The following PPP1R10 variants were observed in gnomAD, a reference collection of about 807,000 sequenced individuals.
PPP1R10 encodes protein phosphatase 1 regulatory subunit 10.
Under a neutral mutation model 99.0 loss-of-function variants are expected in PPP1R10, and 15 were observed. The observed-to-expected ratio is 0.15, with a 90% CI of 0.10 to 0.23. PPP1R10 has a LOEUF of 0.23. Among genes scored for constraint, PPP1R10 ranks in the 10% least tolerant of loss-of-function variants. The pLI is 1.00. For synonymous variants in PPP1R10, 430 were observed against 449.5 expected, an observed-to-expected ratio of 0.96 and a Z score of 0.55; for missense variants, 947 against 1,259.4, an observed-to-expected ratio of 0.75 and a Z score of 3.75.
At position 30,606,624 on chromosome 6, in the gene PPP1R10, G is replaced by A; in HGVS notation, c.478C>T (p.Arg160Cys). 1.2e-6 allele frequency: 2 copies of A among 1,614,090 alleles called. No homozygotes were observed. Among genetic ancestry groups the A allele is most frequent in the Non-Finnish European group, 1.7e-6 (2 of 1,180,034 alleles). The change falls in exon 8 of 20, where the codon CGT (arginine) becomes TGT (cysteine). Residue 160 changes from arginine to cysteine, a missense_variant. Physicochemically the swap from Arg to Cys is radical, Grantham distance 180 (BLOSUM62 -3). This residue lies in a region of PPP1R10 where 92 missense variants were observed against 159.2 expected (regional missense o/e 0.58). Transcript: ENST00000376511. The surrounding 1 kb of genome is among the most constrained non-coding windows in gnomAD (Gnocchi z 6.3). ...GTTCGACTTTTTCCTTCATCTTTAC[G>A]TTTCTTCTTATCTTTCTCTGTTGTG... The part of the protein sequence containing the change: ...TQPAEKDKKK[R>C]KDEGKSRTTL...
In PPP1R10 at chr6:30,604,800, G is replaced by C. The variant is rs1033976607; in HGVS notation, c.955-65C>G. ...AGCCAAGGGCAAGGCAATTAGTCCA[G>C]GGTCCCAGGCACAGTCCCCCAACAG... On this transcript the variant is annotated intron_variant, in intron 11 of 19. Transcript: ENST00000376511. This position sits in a 1 kb window ranked among gnomAD's most constrained non-coding sequence, Gnocchi z 7.3. 2.5e-6 allele frequency: 4 copies of C among 1,603,498 alleles called. No homozygotes were observed. Among genetic ancestry groups the C allele is most frequent in the Non-Finnish European group, 3.4e-6 (4 of 1,172,364 alleles).
rs1803239832 is a variant in PPP1R10 at position 30,600,872 on chromosome 6, C to G, written c.*677G>C. ...CCGGTCTCACCTCTGCCAGCTAAAA[C>G]TTGCACCGGATGCAGATACGAGTTC... On this transcript the variant is annotated 3_prime_UTR_variant, in exon 20 of 20. Coordinates refer to ENST00000376511, the MANE Select transcript of PPP1R10 (RefSeq NM_002714.4). The G allele has an allele frequency of 1.3e-5, 2 of 152,730 alleles. No individual in the cohort carries two copies. The highest frequency in any genetic ancestry group is 2.1e-4 in the South Asian group (1 of 4,834). The allele number at this position is 152,730 out of a possible 1,614,324, so 9.5% of individuals were successfully genotyped here.
At position 30,606,930 on chromosome 6, in the gene PPP1R10, T is replaced by C. The variant is rs1804013376; in HGVS notation, c.383-74A>G. Reference sequence around the variant, plus strand: ...CTTCCAGGAACAGAAAATGGGAGGTTTGAGAAAATATTGTGAAAATTTATG... The same window carrying C: ...CTTCCAGGAACAGAAAATGGGAGGTCTGAGAAAATATTGTGAAAATTTATG... On this transcript the variant is annotated intron_variant, in intron 6 of 19. Coordinates refer to ENST00000376511, the MANE Select transcript of PPP1R10 (RefSeq NM_002714.4). The surrounding 1 kb of genome is among the most constrained non-coding windows in gnomAD (Gnocchi z 6.3). The C allele has an allele frequency of 7.5e-7, 1 of 1,339,756 alleles. No homozygotes were observed. The highest frequency in any genetic ancestry group is 1.1e-6 in the Non-Finnish European group (1 of 950,952). 83.0% of individuals were successfully genotyped at this position (1,339,756 alleles called of 1,614,324 possible).
rs114938123 is a variant in PPP1R10, at chr6:30,609,395, G to A, written c.108-232C>T. On this transcript the variant is annotated intron_variant, in intron 3 of 19. Coordinates refer to ENST00000376511, the MANE Select transcript of PPP1R10 (RefSeq NM_002714.4). This position sits in a 1 kb window ranked among gnomAD's most constrained non-coding sequence, Gnocchi z 4.5. Reference sequence around the variant, plus strand: ...TGGGGAGGAGAGCATCGCTGCCTCCGTAACACACAGGATGAATTCCATTCT... The same window carrying A: ...TGGGGAGGAGAGCATCGCTGCCTCCATAACACACAGGATGAATTCCATTCT... Among the ~76,000 whole-genome samples, 3 of 152,076 alleles carry A rather than the reference G, an allele frequency of 2.0e-5. No individual in the cohort carries two copies. Among genetic ancestry groups the A allele is most frequent in the East Asian group, 1.9e-4 (1 of 5,186 alleles).
In PPP1R10 at chr6:30,601,455, A is replaced by G. The variant is rs971609190; in HGVS notation, c.*94T>C. The G allele has an allele frequency of 6.3e-6, 7 of 1,108,930 alleles. No individual in the cohort carries two copies. Among genetic ancestry groups the G allele is most frequent in the Non-Finnish European group, 7.9e-6 (6 of 755,940 alleles). The allele number at this position is 1,108,930 out of a possible 1,614,324, so 68.7% of individuals were successfully genotyped here. A position where few individuals can be genotyped will look rare whatever the true frequency, so the allele number is the denominator to read the frequency against. ...GGGCCGGCTCCTCATCAGCTGGGGA[A>G]AAGGGAAAATGGGCCTCACAGAAGC... On this transcript the variant is annotated 3_prime_UTR_variant, in exon 20 of 20. Transcript: ENST00000376511.
chr6:30,613,127 TC>T (rs1051751770), intron 2 of PPP1R10, among the ~76,000 whole-genome samples: 14 of 152,346 alleles, frequency 9.2e-5, no homozygotes, highest in African/African-American at 3.1e-4. Context: ...TGGGGAATTT[TC>T]TACCATTTTT....
rs894526620 is a variant in PPP1R10 at position 30,606,152 on chromosome 6, G to C, written c.726C>G (p.Pro242=). ...ATGGTCCATACCTCTGACGTTTGAG[G>C]GGGATGGGTTTAAGGTTGTACTTGT... is the stretch of plus-strand genomic sequence containing the variant. The part of the protein sequence containing the change: ...VSDKYNLKPI[P]LKRQSNVAAP... The change falls in exon 9 of 20, where the codon CCC becomes CCG. Residue 242 remains proline, a synonymous_variant. Transcript: ENST00000376511. This position sits in a 1 kb window ranked among gnomAD's most constrained non-coding sequence, Gnocchi z 6.3. The C allele has an allele frequency of 1.2e-6, 2 of 1,614,042 alleles. No homozygotes were observed. The highest frequency in any genetic ancestry group is 3.3e-5 in the Admixed American group (2 of 59,996).
Position 30,609,762 on chromosome 6 carries a change from G to C in PPP1R10, c.107+76C>G, listed in dbSNP as rs889989179. The C allele has an allele frequency of 1.6e-6, 2 of 1,251,912 alleles. No homozygotes were observed. Among genetic ancestry groups the C allele is most frequent in the Admixed American group, 3.4e-5 (2 of 59,050 alleles). The allele number at this position is 1,251,912 out of a possible 1,614,324, so 77.6% of individuals were successfully genotyped here. A position where few individuals can be genotyped will look rare whatever the true frequency, so the allele number is the denominator to read the frequency against. ...CTTTCCTTTCCAGGATCATTCCAGT[G>C]TGCCTCAACTGCAGCCATGTTTTAA... is the stretch of plus-strand genomic sequence containing the variant. On this transcript the variant is annotated intron_variant, in intron 3 of 19. Transcript: ENST00000376511. The surrounding 1 kb of genome is among the most constrained non-coding windows in gnomAD (Gnocchi z 4.5).
chr6:30,609,252 C>T lies in PPP1R10; in HGVS notation c.108-89G>A. On this transcript the variant is annotated intron_variant, in intron 3 of 19. Coordinates refer to ENST00000376511, the MANE Select transcript of PPP1R10 (RefSeq NM_002714.4). This position sits in a 1 kb window ranked among gnomAD's most constrained non-coding sequence, Gnocchi z 4.5. ...CTCTCTGTGAACTGCCTAGAGATTC[C>T]TAATGACTTGGGACTTTGCTCCAGA... 1.6e-6 allele frequency: 2 copies of T among 1,235,278 alleles called. No individual in the cohort carries two copies. Among genetic ancestry groups the T allele is most frequent in the East Asian group, 4.7e-5 (2 of 42,294 alleles). 76.5% of individuals were successfully genotyped at this position (1,235,278 alleles called of 1,614,324 possible). A position where few individuals can be genotyped will look rare whatever the true frequency, so the allele number is the denominator to read the frequency against.
At chr6:30,607,807 A>G in intron 6 of PPP1R10, 33 bp downstream of exon 6, 1 of 1,595,654 alleles carries the variant, frequency 6.3e-7, no homozygotes, top group Non-Finnish European at 8.6e-7. Context: ...GTAATAGAGA[A>G]AAGCCCATGA....
At position 30,601,921 on chromosome 6, in the gene PPP1R10, AG is replaced by A. The variant is rs1358723363; in HGVS notation, c.2713+14del. 33 of 1,497,518 alleles carry A rather than the reference AG, an allele frequency of 2.2e-5. No homozygotes were observed. The highest frequency in any genetic ancestry group is 2.7e-5 in the Non-Finnish European group (30 of 1,125,510). The allele number at this position is 1,497,518 out of a possible 1,614,324, so 92.8% of individuals were successfully genotyped here. ...GACAACCAAAAGGCATATGGGGGACAGGGAGCATCCTCACCTCCTCCATGGC... is the reference window on the plus strand; with the variant it reads ...GACAACCAAAAGGCATATGGGGGACAGGAGCATCCTCACCTCCTCCATGGC... On this transcript the variant is annotated intron_variant, in intron 19 of 19. Coordinates refer to ENST00000376511, the MANE Select transcript of PPP1R10 (RefSeq NM_002714.4).
chr6:30,615,771 A>G (rs767272929), intron 2 of PPP1R10, among the ~76,000 whole-genome samples: 1 of 152,122 alleles, frequency 6.6e-6, no homozygotes, highest in Non-Finnish European at 1.5e-5. Context: ...CAACAATTAT[A>G]AGACATTCTT....
rs748009685 is a variant in PPP1R10 at position 30,606,670 on chromosome 6, A to G, written c.461-29T>C. On this transcript the variant is annotated intron_variant, in intron 7 of 19. Coordinates refer to ENST00000376511, the MANE Select transcript of PPP1R10 (RefSeq NM_002714.4). This position sits in a 1 kb window ranked among gnomAD's most constrained non-coding sequence, Gnocchi z 6.3. ...TTGTGAAAAAACAAAGCAGAAAAGG[A>G]TTTTATTTAGATGAACACTGTCAGA... 2.5e-6 allele frequency: 4 copies of G among 1,613,792 alleles called. No homozygotes were observed. In the South Asian group the frequency reaches 4.4e-5, roughly 18 times the overall value.
At chr6:30,608,172 G>A (rs1453536412) in intron 5 of PPP1R10, among the ~76,000 whole-genome samples, 1 of 151,872 alleles carries the variant, frequency 6.6e-6, no homozygotes, top group East Asian at 1.9e-4. Flanking sequence ...TGTATTTTTT[G>A]TAGAGACAGA....
chr6:30,602,356 T>G lies in PPP1R10; in HGVS notation c.2293A>C (p.Ser765Arg). ...EGPGGGMGNS[S>R]GHRPHEGPGG... ...GGGCCTTCGTGGGGACGATGTCCAC[T>G]GCTGTTGCCCATGCCCCCACCAGGG... Residue 765 changes from serine to arginine, a missense_variant, in exon 19 of 20, where the codon AGT (serine) becomes CGT (arginine). Around this residue, in one of 10 missense-constraint regions of PPP1R10, gnomAD observed 525 missense variants for 578.8 expected, o/e 0.91. Coordinates refer to ENST00000376511, the MANE Select transcript of PPP1R10 (RefSeq NM_002714.4). This position sits in a 1 kb window ranked among gnomAD's most constrained non-coding sequence, Gnocchi z 6.7. 1 of 1,612,404 alleles carries G rather than the reference T, an allele frequency of 6.2e-7. No homozygotes were observed. The highest frequency in any genetic ancestry group is 8.5e-7 in the Non-Finnish European group (1 of 1,179,782).
rs376646919 is a variant in PPP1R10 at position 30,605,847 on chromosome 6, G to A, written c.853+76C>T. 7.4e-5 allele frequency: 100 copies of A among 1,355,444 alleles called. 1 individual carries two copies. In the South Asian group the frequency reaches 1.0e-3, roughly 14 times the overall value. 84.0% of individuals were successfully genotyped at this position (1,355,444 alleles called of 1,614,324 possible). ...TGCACTCCAGCCTGGGTGACAGAGTGAGACTCTGTCTCCAAAAAAAAAAAA... is the reference window on the plus strand; with the variant it reads ...TGCACTCCAGCCTGGGTGACAGAGTAAGACTCTGTCTCCAAAAAAAAAAAA... On this transcript the variant is annotated intron_variant, in intron 10 of 19. Coordinates refer to ENST00000376511, the MANE Select transcript of PPP1R10 (RefSeq NM_002714.4).
intron 2 of PPP1R10, among the ~76,000 whole-genome samples, chr6:30,614,007 G>C (rs1395601572): frequency 6.6e-6 from 1 of 152,138 alleles, no homozygotes; most frequent in South Asian, 2.1e-4. Flanking sequence ...GTCACCAGAG[G>C]GCAGTTATAC....
Position 30,601,624 on chromosome 6 carries a change from C to G in PPP1R10, c.2748G>C (p.Met916Ile), listed in dbSNP as rs1803324099. 6.2e-7 allele frequency: 1 copy of G among 1,614,008 alleles called. No individual in the cohort carries two copies. The highest frequency in any genetic ancestry group is 8.5e-7 in the Non-Finnish European group (1 of 1,180,006). ...TCTCATAGCGGCAGTTGCCCTTCAT[C>G]ATGAAATGTCGGCAGACAGGGCGGT... ...MSNRPVCRHFMMKGNCRYENN... is the reference protein window; with the variant it reads ...MSNRPVCRHFIMKGNCRYENN... Residue 916 changes from methionine to isoleucine, a missense_variant, in exon 20 of 20, where the codon ATG becomes ATC. Around this residue, in one of 10 missense-constraint regions of PPP1R10, gnomAD observed 17 missense variants for 46.4 expected, o/e 0.37. Coordinates refer to ENST00000376511, the MANE Select transcript of PPP1R10 (RefSeq NM_002714.4).
rs1804098422 is a variant in PPP1R10, at chr6:30,607,734, A to G, written c.382+106T>C. 4 of 1,244,586 alleles carry G rather than the reference A, an allele frequency of 3.2e-6. No individual in the cohort carries two copies. The African/African-American group carries it at 6.0e-5, about 19-fold the overall frequency. 77.1% of individuals were successfully genotyped at this position (1,244,586 alleles called of 1,614,324 possible). On this transcript the variant is annotated intron_variant, in intron 6 of 19. Transcript: ENST00000376511. ...AGAAGGAAAAAAAGCAAGGTGAGGT[A>G]GAAAGAGAAAAGTGAAGGGACAATC... is the stretch of plus-strand genomic sequence containing the variant.
Sources: allele counts gnomAD v4.1 joint callset (sites outside exome capture counted in the v4.1 genomes callset), GRCh38; gene constraint gnomAD v4.1.1; regional missense constraint gnomAD v4.1.1; non-coding constraint Gnocchi (gnomAD v3.1); transcripts MANE v1.5; gene names NCBI Gene and HGNC (gene_info 2026-07-23, HGNC 2026-07-21).